CACNB2: variants seen among roughly 807,000 people sequenced by gnomAD.
CACNB2 encodes the protein calcium voltage-gated channel auxiliary subunit beta 2, also known as voltage-dependent L-type calcium channel subunit beta-2.
Under a neutral mutation model 73.3 loss-of-function variants are expected in CACNB2, and 42 were observed. The observed-to-expected ratio is 0.57, with a 90% CI of 0.45 to 0.74. The LOEUF is 0.74. Ranked by LOEUF, CACNB2 falls within the 30% of genes least tolerant of loss-of-function variation. The pLI is 0.00. For synonymous variants in CACNB2, 348 were observed against 310.3 expected (o/e 1.12, Z -1.28); for missense variants, 940 against 853.0 (o/e 1.10, Z -1.27).
intron 2 of CACNB2, among the ~76,000 whole-genome samples, chr10:18,187,210 G>A (rs777450863): frequency 1.3e-5 from 2 of 152,170 alleles, no homozygotes; most frequent in African/African-American, 2.4e-5. Flanking sequence ...GGCAGCAGGA[G>A]TGGGGTTAAC....
At chr10:18,272,815 A>G (rs969271233) in intron 2 of CACNB2, among the ~76,000 whole-genome samples, 1 of 152,302 alleles carries the variant, frequency 6.6e-6, no homozygotes. Flanking sequence ...TTCTTTTATA[A>G]ATTACCCAGT....
At chr10:18,337,277 G>A (rs1564447426) in intron 2 of CACNB2, among the ~76,000 whole-genome samples, 2 of 151,886 alleles carry the variant, frequency 1.3e-5, no homozygotes, top group African/African-American at 2.4e-5. Flanking sequence ...CTACGGACAT[G>A]CACCACTATG....
chr10:18,347,575 T>C (rs553069631), intron 2 of CACNB2, among the ~76,000 whole-genome samples: 1 of 151,188 alleles, frequency 6.6e-6, no homozygotes, highest in South Asian at 2.1e-4. Context: ...TTTCCCCCTA[T>C]ACAATGAAGG....
At chr10:18,378,967 A>G (rs1379434947) in intron 2 of CACNB2, among the ~76,000 whole-genome samples, 1 of 152,142 alleles carries the variant, frequency 6.6e-6, no homozygotes, top group African/African-American at 2.4e-5. Flanking sequence ...AACAGCACAG[A>G]CCAGTGTTCC....
intron 2 of CACNB2, among the ~76,000 whole-genome samples, chr10:18,306,721 T>C (rs1159560566): frequency 6.6e-6 from 1 of 152,178 alleles, no homozygotes; most frequent in African/African-American, 2.4e-5. Flanking sequence ...TGAGGGCTTC[T>C]TTGTTGCCAA....
At chr10:18,337,190 C>G (rs563664950) in intron 2 of CACNB2, among the ~76,000 whole-genome samples, 3 of 152,088 alleles carry the variant, frequency 2.0e-5, no homozygotes, top group Non-Finnish European at 4.4e-5. Context: ...TGTGTAGTAG[C>G]GTAATCTTGG....
Position 18,536,135 on chromosome 10 carries a change from C to A in CACNB2, c.1241C>A (p.Ser414Tyr). The change falls in exon 12 of 14, where the codon TCT becomes TAT. Residue 414 changes from serine (S) to tyrosine (Y), a missense_variant. Physicochemically the swap from Ser to Tyr is moderately radical, Grantham distance 144. Coordinates refer to ENST00000324631, the MANE Select transcript of CACNB2 (RefSeq NM_201596.3). ...AGGTTAATAAAATCTCGAGGGAAAT[C>A]TCAAGCTAAACACCTCAACGTCCAG... Reference protein sequence around the residue: ...LQRLIKSRGKSQAKHLNVQMV... With the variant: ...LQRLIKSRGKYQAKHLNVQMV... The A allele has an allele frequency of 6.2e-7, 1 of 1,607,712 alleles. No individual in the cohort carries two copies. Among genetic ancestry groups the A allele is most frequent in the South Asian group, 1.1e-5 (1 of 90,898 alleles).
intron 3 of CACNB2, among the ~76,000 whole-genome samples, chr10:18,455,551 A>T (rs1473853346): frequency 2.0e-5 from 3 of 152,210 alleles, no homozygotes; most frequent in Non-Finnish European, 2.9e-5. Context: ...TTAGGGGATA[A>T]ATAGTGTATA....
intron 3 of CACNB2, among the ~76,000 whole-genome samples, chr10:18,435,181 C>T (rs980324767): frequency 6.6e-6 from 1 of 152,182 alleles, no homozygotes; most frequent in East Asian, 1.9e-4. Flanking sequence ...GCAAGGAGTC[C>T]AACCTGGAAC....
intron 1 of CACNB2, among the ~76,000 whole-genome samples, chr10:18,142,204 A>T (rs1047418441): frequency 2.0e-5 from 3 of 152,368 alleles, no homozygotes; most frequent in African/African-American, 2.4e-5. Context: ...GTGCTAACTT[A>T]AAACACATAA....
At chr10:18,387,694 C>A (rs2043291399) in intron 2 of CACNB2, among the ~76,000 whole-genome samples, 2 of 151,916 alleles carry the variant, frequency 1.3e-5, no homozygotes, top group Admixed American at 1.3e-4. Flanking sequence ...GGCTGTGAGA[C>A]TGTGGTCACC....
At chr10:18,255,228 C>A (rs2037234403) in intron 2 of CACNB2, among the ~76,000 whole-genome samples, 1 of 151,968 alleles carries the variant, frequency 6.6e-6, no homozygotes, top group African/African-American at 2.4e-5. Flanking sequence ...GCCTCTCTAA[C>A]CTCATCTTCT....
intron 2 of CACNB2, among the ~76,000 whole-genome samples, chr10:18,327,002 T>C (rs1017714213): frequency 6.6e-6 from 1 of 152,124 alleles, no homozygotes; most frequent in Non-Finnish European, 1.5e-5. Flanking sequence ...GTGCTGGGAT[T>C]ACAGGCGTGA....
At chr10:18,433,685 A>G (rs1362374675) in intron 3 of CACNB2, among the ~76,000 whole-genome samples, 2 of 152,114 alleles carry the variant, frequency 1.3e-5, no homozygotes, top group East Asian at 1.9e-4. Context: ...TTCTTAAGCT[A>G]GTCAAGTACA....
intron 2 of CACNB2, among the ~76,000 whole-genome samples, chr10:18,222,425 CACACAAAT>C (rs1253130806): frequency 2.2e-5 from 2 of 92,550 alleles, no homozygotes; most frequent in African/African-American, 6.0e-5. Context: ...CACACACACA[CACACAAAT>C]TCTGTGAGAC....
rs533250949 is a variant in CACNB2, at chr10:18,304,907, C to T, written c.214-97017C>T. Among the ~76,000 whole-genome samples, 12 of 152,234 alleles carry T rather than the reference C, an allele frequency of 7.9e-5. No individual in the cohort carries two copies. In the South Asian group the frequency reaches 2.5e-3, roughly 32 times the overall value. On this transcript the variant is annotated intron_variant, in intron 2 of 13. Transcript: ENST00000324631. ...ACATTTCAATCCCACTTTTTATTTCCTCTGCAGAAAGATGTGTGCATTATT... is the reference window on the plus strand; with the variant it reads ...ACATTTCAATCCCACTTTTTATTTCTTCTGCAGAAAGATGTGTGCATTATT...
chr10:18,429,656 G>A (rs11815615), intron 3 of CACNB2, among the ~76,000 whole-genome samples: 28,862 of 119,040 alleles, frequency 0.24, 4,425 homozygotes, highest in East Asian at 0.55. Context: ...GCAAGACTCC[G>A]TCTCTACCAA....
chr10:18,428,095 A>T (rs1029880886), intron 3 of CACNB2, among the ~76,000 whole-genome samples: 1 of 151,848 alleles, frequency 6.6e-6, no homozygotes. Context: ...TGATTTTTTT[A>T]TTGGGATGGT....
intron 3 of CACNB2, among the ~76,000 whole-genome samples, chr10:18,426,507 C>A (rs535005506): frequency 3.3e-5 from 5 of 151,996 alleles, no homozygotes; most frequent in Admixed American, 6.6e-5. Context: ...GGTTTTCTAT[C>A]AGACATAGAT....
Sources: gnomAD v4.1 joint callset for allele counts (sites outside exome capture counted in the v4.1 genomes callset) on GRCh38, gnomAD v4.1.1 for gene constraint, MANE v1.5 for transcripts, NCBI Gene and HGNC (gene_info 2026-07-23, HGNC 2026-07-21) for gene names.